Variants in KIF6 observed in about 807,000 individuals in gnomAD.
The protein encoded by KIF6 is kinesin-like protein KIF6.
KIF6 carries 106 observed loss-of-function variants against 112.7 expected under a neutral mutation model. The ratio of observed to expected loss-of-function variants is 0.94; its 90% CI spans 0.80 to 1.11. The LOEUF (loss-of-function observed/expected upper bound fraction) is 1.11, where lower values mean the gene tolerates loss of function less well. KIF6 is among the 50% of genes least tolerant of loss of function. The probability of loss-of-function intolerance (pLI) is 0.00; values close to 1 mark genes in which losing one functional copy is unlikely to be tolerated. For missense variants in KIF6, 929 were observed against 964.0 expected, an observed-to-expected ratio of 0.96 and a Z score of 0.48; for synonymous variants, 339 against 339.9, an observed-to-expected ratio of 1.00 and a Z score of 0.03.
chr6:39,638,825 G>A (rs1224503219), intron 4 of KIF6, among the ~76,000 whole-genome samples: 4 of 152,046 alleles, frequency 2.6e-5, no homozygotes, highest in South Asian at 4.1e-4. Context: ...AGGGAAAACC[G>A]AAACTCAGAG....
intron 10 of KIF6, among the ~76,000 whole-genome samples, chr6:39,561,887 T>C (rs1357290274): frequency 6.6e-6 from 1 of 152,330 alleles, no homozygotes; most frequent in African/African-American, 2.4e-5. Flanking sequence ...TCTGAGCTTC[T>C]AGTTGTGTAA....
chr6:39,408,641 C>G (rs1412389113), intron 15 of KIF6, among the ~76,000 whole-genome samples: 1 of 152,074 alleles, frequency 6.6e-6, no homozygotes, highest in African/African-American at 2.4e-5. Context: ...CTCTCTCTCT[C>G]TCTCTTTCTT....
At chr6:39,376,456 C>T (rs1364076846) in intron 16 of KIF6, among the ~76,000 whole-genome samples, 1 of 152,214 alleles carries the variant, frequency 6.6e-6, no homozygotes, top group African/African-American at 2.4e-5. Flanking sequence ...GTGCCCGGCA[C>T]TGGGCTATCA....
At chr6:39,603,883 A>G (rs1645252111) in intron 6 of KIF6, among the ~76,000 whole-genome samples, 1 of 152,126 alleles carries the variant, frequency 6.6e-6, no homozygotes, top group African/African-American at 2.4e-5. Flanking sequence ...TGTGTACCAA[A>G]ATCTTTTTTT....
intron 13 of KIF6, among the ~76,000 whole-genome samples, chr6:39,527,126 A>C (rs1291273585): frequency 6.6e-6 from 1 of 152,180 alleles, no homozygotes; most frequent in Non-Finnish European, 1.5e-5. Context: ...TCTTTGAGCA[A>C]GAGTAAAACA....
chr6:39,569,301 C>A (rs1286013812), intron 10 of KIF6, among the ~76,000 whole-genome samples: 1 of 152,146 alleles, frequency 6.6e-6, no homozygotes, highest in East Asian at 1.9e-4. Context: ...AACTCAAATA[C>A]TGTAGAATAT....
chr6:39,534,688 T>C (rs568135216), intron 13 of KIF6, among the ~76,000 whole-genome samples: 139 of 152,184 alleles, frequency 9.1e-4, no homozygotes, highest in African/African-American at 3.2e-3. Context: ...CAGGCCAACA[T>C]TCAGATTCAG....
At chr6:39,633,357 G>A (rs1434640048) in intron 5 of KIF6, among the ~76,000 whole-genome samples, 1 of 152,086 alleles carries the variant, frequency 6.6e-6, no homozygotes, top group Non-Finnish European at 1.5e-5. Context: ...AGAAAAAAAA[G>A]TACTTGATGA....
Position 39,634,999 on chromosome 6 carries a change from A to G in KIF6, c.400-41T>C, listed in dbSNP as rs547669606. The G allele has an allele frequency of 1.2e-5, 13 of 1,079,072 alleles. No homozygotes were observed. The South Asian group carries it at 1.6e-4, about 14-fold the overall frequency. The allele number at this position is 1,079,072 out of a possible 1,614,324, so 66.8% of individuals were successfully genotyped here. A position where few individuals can be genotyped will look rare whatever the true frequency, so the allele number is the denominator to read the frequency against. ...AAAGGTATTATTTATCGGTTATAACAATGATTCTGCTTAGATGAAGATGAA... is the reference window on the plus strand; with the variant it reads ...AAAGGTATTATTTATCGGTTATAACGATGATTCTGCTTAGATGAAGATGAA... On this transcript the variant is annotated intron_variant, in intron 4 of 22. Coordinates refer to ENST00000287152, the MANE Select transcript of KIF6 (RefSeq NM_145027.6).
chr6:39,477,150 T>C (rs1434855043), intron 13 of KIF6, among the ~76,000 whole-genome samples: 2 of 151,988 alleles, frequency 1.3e-5, no homozygotes, highest in African/African-American at 4.8e-5. Context: ...AAAAGCAAAT[T>C]AGAGCTGCAT....
At chr6:39,402,149 C>A (rs1021508026) in intron 15 of KIF6, among the ~76,000 whole-genome samples, 2 of 152,126 alleles carry the variant, frequency 1.3e-5, no homozygotes, top group African/African-American at 4.8e-5. Flanking sequence ...TGCAGTGACA[C>A]CTCAGATAGG....
chr6:39,702,674 T>C (rs80137625), intron 3 of KIF6, among the ~76,000 whole-genome samples: 2,044 of 152,290 alleles, frequency 0.013, 47 homozygotes, highest in African/African-American at 0.047. Flanking sequence ...AGTGGTGGAA[T>C]TGTAGGCATG....
At chr6:39,448,461 C>A (rs1341613079) in intron 13 of KIF6, among the ~76,000 whole-genome samples, 6 of 152,176 alleles carry the variant, frequency 3.9e-5, no homozygotes, top group Non-Finnish European at 2.9e-5. Context: ...AGGTGTGAGC[C>A]ATCGTGCCCG....
chr6:39,560,042 T>C (rs1779930421), intron 10 of KIF6, among the ~76,000 whole-genome samples: 1 of 152,232 alleles, frequency 6.6e-6, no homozygotes, highest in African/African-American at 2.4e-5. Context: ...GTATTTTTAG[T>C]TGCTAAATCT....
intron 1 of KIF6, among the ~76,000 whole-genome samples, chr6:39,721,809 GTT>G (rs5875678): frequency 0.1 from 14,817 of 141,672 alleles, 822 homozygotes; most frequent in South Asian, 0.18. Context: ...AGATTTAAAG[GTT>G]TTTTTTTTTT....
At chr6:39,338,891 C>T (rs1410749952) in intron 22 of KIF6, among the ~76,000 whole-genome samples, 1 of 150,960 alleles carries the variant, frequency 6.6e-6, no homozygotes, top group Non-Finnish European at 1.5e-5. Context: ...TCTGAGCCAT[C>T]TCCCACCCAG....
chr6:39,337,203 CT>C (rs1763047231), intron 22 of KIF6, among the ~76,000 whole-genome samples: 1 of 93,406 alleles, frequency 1.1e-5, no homozygotes, highest in African/African-American at 7.8e-5. Context: ...TTCTTTCTTT[CT>C]TTCTTTCTTT....
chr6:39,349,111 C>T (rs139382109), intron 19 of KIF6, among the ~76,000 whole-genome samples: 292 of 152,310 alleles, frequency 1.9e-3, no homozygotes, highest in African/African-American at 6.6e-3. Context: ...TCAATAATGA[C>T]GTGACACACA....
chr6:39,445,705 G>A (rs1189034028), intron 13 of KIF6, among the ~76,000 whole-genome samples: 1 of 152,222 alleles, frequency 6.6e-6, no homozygotes, highest in Non-Finnish European at 1.5e-5. Context: ...CTCAGGGAAT[G>A]TTCCTCCTGA....
Sources: allele counts gnomAD v4.1 joint callset (sites outside exome capture counted in the v4.1 genomes callset), GRCh38; gene constraint gnomAD v4.1.1; transcripts MANE v1.5; gene names NCBI Gene and HGNC (gene_info 2026-07-23, HGNC 2026-07-21).